Variants in DNAH11 observed in about 807,000 individuals in gnomAD.
DNAH11 encodes the protein axonemal beta dynein heavy chain 11.
DNAH11 carries 442 observed loss-of-function variants against 526.0 expected under a neutral mutation model. The ratio of observed to expected loss-of-function variants is 0.84; its 90% confidence interval spans 0.78 to 0.91. The LOEUF is 0.91. Among genes scored for constraint, DNAH11 ranks in the 40% least tolerant of loss-of-function variants. DNAH11 has a pLI of 0.00. For missense variants in DNAH11, 6,989 were observed against 5,448.7 expected (o/e 1.28, Z -8.90); for synonymous variants, 2,461 against 1,935.9 (o/e 1.27, Z -7.12).
At chr7:21,869,606 G>A (rs1783421514) in intron 73 of DNAH11, among the ~76,000 whole-genome samples, 2 of 152,198 alleles carry the variant, frequency 1.3e-5, no homozygotes, top group African/African-American at 2.4e-5. Flanking sequence ...GCTCCTCCCC[G>A]CTGCAAATGG....
Position 21,661,366 on chromosome 7 carries a change from C to A in DNAH11, c.5328+2335C>A, listed in dbSNP as rs1583572157. On this transcript the variant is annotated intron_variant, in intron 30 of 81. Transcript: ENST00000409508. ...GAGTTTGTGCAGTGGTGAATTGTTA[C>A]AGGAAAATTTCTGGTCCCTTGTCTT... Among the ~76,000 whole-genome samples, 3 of 152,092 alleles carry A rather than the reference C, an allele frequency of 2.0e-5. No homozygotes were observed. In the South Asian group the frequency reaches 6.2e-4, roughly 32 times the overall value.
At chr7:21,624,377 T>A (rs1285589778) in intron 25 of DNAH11, among the ~76,000 whole-genome samples, 1 of 152,218 alleles carries the variant, frequency 6.6e-6, no homozygotes, top group Admixed American at 6.6e-5. Context: ...GTTGTTAGTA[T>A]AAAAGAATGC....
At chr7:21,640,463 G>A (rs946291061) in intron 28 of DNAH11, among the ~76,000 whole-genome samples, 1 of 147,644 alleles carries the variant, frequency 6.8e-6, no homozygotes, top group Non-Finnish European at 1.5e-5. Flanking sequence ...TTTTCAATAA[G>A]TAAGTTAGCA....
intron 26 of DNAH11, among the ~76,000 whole-genome samples, chr7:21,637,387 T>G (rs918872982): frequency 1.3e-5 from 2 of 152,198 alleles, no homozygotes; most frequent in Non-Finnish European, 2.9e-5. Flanking sequence ...TGACAGTGCT[T>G]ATCACATTTA....
chr7:21,842,610 A>T lies in DNAH11; in HGVS notation c.10758A>T (p.Lys3586Asn), dbSNP rs779767325. The change falls in exon 66 of 82, where the codon AAA (lysine) becomes AAT (asparagine). Residue 3586 changes from lysine (K) to asparagine (N), a missense_variant. Coordinates refer to ENST00000409508, the MANE Select transcript of DNAH11 (RefSeq NM_001277115.2). ...ACTTTCGCCTTATCCTTCACACAAA[A>T]TTGGCAAATCCTCACTATAAGCCGG... The part of the protein sequence containing the change: ...NKNFRLILHT[K>N]LANPHYKPEL... 3 of 1,613,980 alleles carry T rather than the reference A, an allele frequency of 1.9e-6. No individual in the cohort carries two copies. The highest frequency in any genetic ancestry group is 3.3e-5 in the Admixed American group (2 of 60,022).
chr7:21,545,530 A>G (rs1317611733), intron 2 of DNAH11, among the ~76,000 whole-genome samples: 1 of 152,194 alleles, frequency 6.6e-6, no homozygotes, highest in African/African-American at 2.4e-5. Context: ...ACAAATTTAC[A>G]CTTTGAAAAT....
chr7:21,764,629 C>G (rs1361042589), intron 54 of DNAH11, among the ~76,000 whole-genome samples: 1 of 152,210 alleles, frequency 6.6e-6, no homozygotes, highest in Non-Finnish European at 1.5e-5. Context: ...CTGATGAACC[C>G]TCTGAAGCAC....
chr7:21,600,941 C>G lies in DNAH11; in HGVS notation c.3255+11C>G. ...CAATTCAAAGAACAGGCAAGGAAAA[C>G]CCTTAGCATTTAATGTAGTGAAATG... On this transcript the variant is annotated intron_variant, in intron 16 of 81. Transcript: ENST00000409508. The G allele has an allele frequency of 6.2e-7, 1 of 1,612,908 alleles. No individual in the cohort carries two copies. Among genetic ancestry groups the G allele is most frequent in the Non-Finnish European group, 8.5e-7 (1 of 1,179,558 alleles).
At chr7:21,731,796 C>T (rs1041590678) in intron 45 of DNAH11, among the ~76,000 whole-genome samples, 1 of 152,034 alleles carries the variant, frequency 6.6e-6, no homozygotes, top group Non-Finnish European at 1.5e-5. Flanking sequence ...GGATGGTAAC[C>T]ATCTTCATCC....
intron 2 of DNAH11, among the ~76,000 whole-genome samples, chr7:21,554,495 G>A (rs1026535115): frequency 3.3e-5 from 5 of 151,982 alleles, no homozygotes; most frequent in Admixed American, 6.6e-5. Context: ...TTATTATCTC[G>A]TTTGGGATTG....
intron 63 of DNAH11, among the ~76,000 whole-genome samples, chr7:21,816,034 T>C (rs368921791): frequency 6.6e-6 from 1 of 152,102 alleles, no homozygotes; most frequent in Non-Finnish European, 1.5e-5. Context: ...GTCATCTCTT[T>C]GTAGCACTGG....
chr7:21,743,516 T>C (rs1786010004), intron 49 of DNAH11, among the ~76,000 whole-genome samples: 1 of 152,184 alleles, frequency 6.6e-6, no homozygotes, highest in African/African-American at 2.4e-5. Flanking sequence ...AGGTGGTATA[T>C]TGATGAAATA....
chr7:21,674,136 T>C (rs961193981), intron 30 of DNAH11, among the ~76,000 whole-genome samples: 31 of 151,866 alleles, frequency 2.0e-4, no homozygotes, highest in African/African-American at 7.5e-4. Context: ...CTCGGCTCAC[T>C]GCAACCTCTG....
At chr7:21,705,898 A>G (rs1016600371) in intron 39 of DNAH11, among the ~76,000 whole-genome samples, 2 of 152,204 alleles carry the variant, frequency 1.3e-5, no homozygotes, top group Non-Finnish European at 2.9e-5. Flanking sequence ...TTTATCAAAG[A>G]TAAACATATT....
Position 21,573,876 on chromosome 7 carries a change from C to G in DNAH11, c.1593+1903C>G, listed in dbSNP as rs534573792. ...GGTATATACATGGTTTAAATATGTT[C>G]CAGTAAATTAAAGAAATGATCACTG... On this transcript the variant is annotated intron_variant, in intron 8 of 81. Coordinates refer to ENST00000409508, the MANE Select transcript of DNAH11 (RefSeq NM_001277115.2). Among the ~76,000 whole-genome samples the G allele has an allele frequency of 5.5e-4, 84 of 152,224 alleles. 1 individual carries two copies. Among genetic ancestry groups the G allele is most frequent in the African/African-American group, 1.9e-3 (80 of 41,540 alleles).
chr7:21,900,945 CT>C (rs1554294368), intron 81 of DNAH11, 61 bp from the exon 82 acceptor site: 1 of 1,086,414 alleles, frequency 9.2e-7, no homozygotes, highest in Non-Finnish European at 1.3e-6. Flanking sequence ...AAACAACTTA[CT>C]TGATCATTAT....
intron 48 of DNAH11, among the ~76,000 whole-genome samples, chr7:21,740,136 A>T (rs1785813971): frequency 6.6e-6 from 1 of 152,044 alleles, no homozygotes; most frequent in African/African-American, 2.4e-5. Flanking sequence ...AAATCTCTGT[A>T]CTCTACCAAT....
intron 54 of DNAH11, among the ~76,000 whole-genome samples, chr7:21,753,249 G>T (rs1276637418): frequency 1.3e-5 from 2 of 152,078 alleles, no homozygotes; most frequent in African/African-American, 4.8e-5. Context: ...AAGAGGACCT[G>T]GAGACTCTGT....
At chr7:21,568,064 G>C (rs1050391273) in intron 6 of DNAH11, among the ~76,000 whole-genome samples, 1 of 152,174 alleles carries the variant, frequency 6.6e-6, no homozygotes, top group Non-Finnish European at 1.5e-5. Flanking sequence ...TGTCAGGACT[G>C]AGCTAAAATA....
Sources: allele counts gnomAD v4.1 joint callset (sites outside exome capture counted in the v4.1 genomes callset), GRCh38; gene constraint gnomAD v4.1.1; transcripts MANE v1.5; gene names NCBI Gene and HGNC (gene_info 2026-07-23, HGNC 2026-07-21).